NRXN3: variants seen among roughly 807,000 people sequenced by gnomAD.
NRXN3 encodes neurexin 3.
A neutral mutation model predicts 137.6 loss-of-function variants in NRXN3; 32 were observed. The observed-to-expected ratio is 0.23, with a 90% CI of 0.18 to 0.31. The LOEUF is 0.31. Among genes scored for constraint, NRXN3 ranks in the 10% least tolerant of loss-of-function variants. The pLI is 1.00. For missense variants in NRXN3, 1,574 were observed against 2,062.5 expected, an observed-to-expected ratio of 0.76 and a Z score of 4.59; for synonymous variants, 798 against 784.5, an observed-to-expected ratio of 1.02 and a Z score of -0.29.
At chr14:78,835,838 A>G (rs1026549507) in intron 10 of NRXN3, among the ~76,000 whole-genome samples, 6 of 152,276 alleles carry the variant, frequency 3.9e-5, no homozygotes, top group African/African-American at 1.2e-4. Flanking sequence ...CTCTAAGTCT[A>G]TGCTATGTAG....
At chr14:79,680,611 C>A (rs536658068) in intron 17 of NRXN3, among the ~76,000 whole-genome samples, 1 of 151,856 alleles carries the variant, frequency 6.6e-6, no homozygotes, top group Non-Finnish European at 1.5e-5. Context: ...GGTATTCATA[C>A]CCTGCAGGGA....
chr14:79,526,999 A>G (rs1355690075), intron 16 of NRXN3, among the ~76,000 whole-genome samples: 1 of 152,138 alleles, frequency 6.6e-6, no homozygotes, highest in Non-Finnish European at 1.5e-5. Context: ...AACAAGAATA[A>G]CTGCTGGCCA....
At chr14:78,778,808 CTT>C (rs2098757624) in intron 8 of NRXN3, among the ~76,000 whole-genome samples, 5 of 94,548 alleles carry the variant, frequency 5.3e-5, no homozygotes, top group South Asian at 3.1e-4. Flanking sequence ...TTCTTTCTTT[CTT>C]TCTTTCTTTC....
rs143883800 is a variant in NRXN3, at chr14:78,834,277, T to C, written c.2275+23933T>C. On this transcript the variant is annotated intron_variant, in intron 10 of 20. Coordinates refer to ENST00000335750, the MANE Select transcript of NRXN3 (RefSeq NM_001330195.2). Reference sequence around the variant, plus strand: ...AAAGTTTCCTCCGGCAGCTGAGAGGTTGAATAATTTGTTCAAGGTGAGGTG... The same window carrying C: ...AAAGTTTCCTCCGGCAGCTGAGAGGCTGAATAATTTGTTCAAGGTGAGGTG... Among the ~76,000 whole-genome samples, 130 of 152,004 alleles carry C rather than the reference T, an allele frequency of 8.6e-4. No homozygotes were observed. The East Asian group carries it at 0.013, about 15-fold the overall frequency.
At chr14:78,598,218 G>T (rs2097173560) in intron 4 of NRXN3, among the ~76,000 whole-genome samples, 1 of 152,156 alleles carries the variant, frequency 6.6e-6, no homozygotes, top group South Asian at 2.1e-4. Flanking sequence ...TGACTCTGTT[G>T]CCCTCTAGTG....
chr14:79,727,076 A>T lies in NRXN3; in HGVS notation c.4014+29139A>T, dbSNP rs142940731. On this transcript the variant is annotated intron_variant, in intron 19 of 20. Transcript: ENST00000335750. Reference sequence around the variant, plus strand: ...TGGTATTATTTTTGCTAGTGATAACATTATTCAGCCATATAAACACATAGC... The same window carrying T: ...TGGTATTATTTTTGCTAGTGATAACTTTATTCAGCCATATAAACACATAGC... 4.9e-4 allele frequency among the ~76,000 whole-genome samples: 75 copies of T among 152,350 alleles called. 1 individual carries two copies. The highest frequency in any genetic ancestry group is 1.4e-3 in the African/African-American group (60 of 41,590).
intron 4 of NRXN3, among the ~76,000 whole-genome samples, chr14:78,558,743 G>A (rs981525717): frequency 6.6e-6 from 1 of 152,156 alleles, no homozygotes; most frequent in African/African-American, 2.4e-5. Flanking sequence ...TTCAAGGTGT[G>A]TGGACTAAAG....
intron 4 of NRXN3, among the ~76,000 whole-genome samples, chr14:78,345,586 G>A (rs1342500437): frequency 6.6e-6 from 1 of 152,082 alleles, no homozygotes; most frequent in Admixed American, 6.5e-5. Flanking sequence ...TTAACTGTGG[G>A]ACTTAGGGAG....
intron 4 of NRXN3, among the ~76,000 whole-genome samples, chr14:78,505,870 A>G (rs547758484): frequency 1.3e-5 from 2 of 152,172 alleles, no homozygotes; most frequent in South Asian, 4.1e-4. Flanking sequence ...AGCTGTACAT[A>G]TCTAATTTGA....
intron 19 of NRXN3, among the ~76,000 whole-genome samples, chr14:79,792,159 G>A (rs2099147255): frequency 6.6e-6 from 1 of 152,002 alleles, no homozygotes; most frequent in South Asian, 2.1e-4. Context: ...CCAGATATAC[G>A]TTAAACTCTT....
At chr14:79,850,481 T>C (rs2099389320) in intron 20 of NRXN3, among the ~76,000 whole-genome samples, 3 of 152,210 alleles carry the variant, frequency 2.0e-5, no homozygotes, top group Non-Finnish European at 2.9e-5. Context: ...TTCAGAAACA[T>C]TTCTTTGAAA....
intron 4 of NRXN3, among the ~76,000 whole-genome samples, chr14:78,494,635 C>T (rs1461283505): frequency 2.0e-5 from 3 of 152,104 alleles, no homozygotes; most frequent in Non-Finnish European, 4.4e-5. Context: ...ACTTAGGATA[C>T]ATCCCTCTGT....
At chr14:78,775,203 T>C (rs2098741057) in intron 8 of NRXN3, among the ~76,000 whole-genome samples, 1 of 152,232 alleles carries the variant, frequency 6.6e-6, no homozygotes, top group African/African-American at 2.4e-5. Flanking sequence ...GTAAAAGCCA[T>C]GGTGCTTGTT....
intron 1 of NRXN3, among the ~76,000 whole-genome samples, chr14:78,203,506 T>C (rs1566962035): frequency 1.3e-5 from 2 of 152,122 alleles, no homozygotes; most frequent in East Asian, 1.9e-4. Flanking sequence ...CATTTTCTTG[T>C]TGTTTTTCTT....
chr14:79,290,349 C>A (rs1478892094), intron 15 of NRXN3, among the ~76,000 whole-genome samples: 2 of 152,206 alleles, frequency 1.3e-5, no homozygotes, highest in South Asian at 2.1e-4. Flanking sequence ...TAAACTGAAC[C>A]CACATTGGTG....
At chr14:79,302,347 A>G (rs1380486965) in intron 15 of NRXN3, among the ~76,000 whole-genome samples, 2 of 152,050 alleles carry the variant, frequency 1.3e-5, no homozygotes, top group South Asian at 2.1e-4. Flanking sequence ...TGCAGACTGT[A>G]CAAGCATGGC....
chr14:78,932,120 A>G (rs564097864), intron 10 of NRXN3, among the ~76,000 whole-genome samples: 43 of 152,182 alleles, frequency 2.8e-4, no homozygotes, highest in Admixed American at 2.7e-3. Context: ...AGCCTGGGAG[A>G]CAGAGCAAGA....
chr14:79,484,332 C>CA (rs770652166), intron 16 of NRXN3, among the ~76,000 whole-genome samples: 67 of 152,274 alleles, frequency 4.4e-4, no homozygotes, highest in Non-Finnish European at 8.4e-4. Context: ...TCTTAGAGTA[C>CA]AGGGTGCTTC....
At chr14:78,685,683 A>T (rs2152755025) in intron 6 of NRXN3, among the ~76,000 whole-genome samples, 1 of 134,052 alleles carries the variant, frequency 7.5e-6, no homozygotes, top group African/African-American at 2.9e-5. Context: ...CCCAGGATGG[A>T]GTGCAATGGC....
Sources: allele counts gnomAD v4.1 joint callset (sites outside exome capture counted in the v4.1 genomes callset), GRCh38; gene constraint gnomAD v4.1.1; transcripts MANE v1.5; gene names NCBI Gene and HGNC (gene_info 2026-07-23, HGNC 2026-07-21).